BICD1: variants seen among roughly 807,000 people sequenced by gnomAD.
BICD1 encodes the protein BICD cargo adaptor 1.
BICD1 carries 35 observed loss-of-function variants against 92.5 expected under a neutral mutation model. That is an observed-to-expected ratio of 0.38 (90% CI 0.29 to 0.50). The LOEUF is 0.50. Ranked by LOEUF, BICD1 falls within the 20% of genes least tolerant of loss-of-function variation. The probability of loss-of-function intolerance (pLI) is 0.93; values close to 1 mark genes in which losing one functional copy is unlikely to be tolerated. For missense variants in BICD1, 950 were observed against 1,189.8 expected (o/e 0.80, Z 2.97); for synonymous variants, 429 against 465.1 (o/e 0.92, Z 1.00).
At chr12:32,146,630 T>C (rs549657510) in intron 1 of BICD1, among the ~76,000 whole-genome samples, 5 of 152,242 alleles carry the variant, frequency 3.3e-5, no homozygotes, top group African/African-American at 1.2e-4. Context: ...GAGGTACAGA[T>C]GGAGACCTAG....
chr12:32,345,411 C>T (rs1453041012), intron 8 of BICD1, among the ~76,000 whole-genome samples: 1 of 151,942 alleles, frequency 6.6e-6, no homozygotes, highest in Non-Finnish European at 1.5e-5. Context: ...AAAGGGTATA[C>T]AGTAGATGGT....
chr12:32,130,605 G>T (rs1942507490), intron 1 of BICD1, among the ~76,000 whole-genome samples: 1 of 152,154 alleles, frequency 6.6e-6, no homozygotes, highest in African/African-American at 2.4e-5. Context: ...GATCTAAAAT[G>T]CATACAGTGC....
At chr12:32,175,317 T>C (rs990117570) in intron 1 of BICD1, among the ~76,000 whole-genome samples, 2 of 150,532 alleles carry the variant, frequency 1.3e-5, no homozygotes, top group African/African-American at 5.0e-5. Context: ...CATACTAAGC[T>C]TTTTTTCTTT....
chr12:32,135,061 C>CCTCCCCTCCCCTTGCCCT (rs1942682674), intron 1 of BICD1, among the ~76,000 whole-genome samples: 1 of 125,188 alleles, frequency 8.0e-6, no homozygotes. Context: ...CCTCCATTCC[C>CCTCCCCTCCCCTTGCCCT]CTCCCCTCCC....
At chr12:32,276,116 C>G (rs1947269327) in intron 2 of BICD1, among the ~76,000 whole-genome samples, 2 of 152,152 alleles carry the variant, frequency 1.3e-5, no homozygotes, top group South Asian at 4.1e-4. Flanking sequence ...AACTGTAAAA[C>G]TACAAATGGT....
rs1040728607 is a variant in BICD1, at chr12:32,327,520, A to G, written c.1065A>G (p.Glu355=). 3 of 1,614,054 alleles carry G rather than the reference A, an allele frequency of 1.9e-6. No homozygotes were observed. The highest frequency in any genetic ancestry group is 1.7e-6 in the Non-Finnish European group (2 of 1,179,948). The part of the protein sequence containing the change: ...ANLQESQTQL[E]HTKGALTEQH... ...TACAGGAGTCACAGACACAGCTGGA[A>G]CACACCAAGGGGGCACTGACGGAGC... is the stretch of plus-strand genomic sequence containing the variant. Residue 355 remains glutamate (E), a synonymous_variant, in exon 5 of 10, where the codon GAA becomes GAG. Coordinates refer to ENST00000652176, the MANE Select transcript of BICD1 (RefSeq NM_001714.4).
intron 2 of BICD1, among the ~76,000 whole-genome samples, chr12:32,244,665 T>C (rs952112388): frequency 3.3e-5 from 5 of 151,114 alleles, no homozygotes; most frequent in Admixed American, 3.3e-4. Context: ...AGTCTCACTC[T>C]GTCGCCAGGC....
Position 32,305,781 on chromosome 12 carries a change from C to A in BICD1, c.664C>A (p.Arg222=). The A allele has an allele frequency of 6.2e-7, 1 of 1,614,058 alleles. No homozygotes were observed. Among genetic ancestry groups the A allele is most frequent in the African/African-American group, 1.3e-5 (1 of 75,032 alleles). ...LLNSQLEDAI[R]LKEIAEHQLE... is the part of the protein sequence containing the mutation. ...GAACAGCCAGCTGGAAGATGCCATCCGATTGAAAGAGATTGCTGAGCACCA... is the reference window on the plus strand; with the variant it reads ...GAACAGCCAGCTGGAAGATGCCATCAGATTGAAAGAGATTGCTGAGCACCA... The change falls in exon 4 of 10, where the codon CGA becomes AGA. Residue 222 remains arginine (R), a synonymous_variant. Transcript: ENST00000652176.
chr12:32,266,570 G>A (rs1447907861), intron 2 of BICD1, among the ~76,000 whole-genome samples: 1 of 152,170 alleles, frequency 6.6e-6, no homozygotes, highest in African/African-American at 2.4e-5. Flanking sequence ...TCAAATGGAA[G>A]ATAATGACAG....
At chr12:32,353,056 T>G (rs1381747653) in intron 8 of BICD1, 1 of 152,140 alleles carries the variant, frequency 6.6e-6, no homozygotes, top group African/African-American at 2.4e-5. Context: ...AAACATAAAT[T>G]TTTTTCTCTT....
chr12:32,215,992 G>A (rs911062171), intron 1 of BICD1, among the ~76,000 whole-genome samples: 3 of 144,178 alleles, frequency 2.1e-5, no homozygotes, highest in Non-Finnish European at 4.6e-5. Context: ...CATAAAGCAA[G>A]TAACAATGTT....
At chr12:32,290,631 A>G (rs191124930) in intron 2 of BICD1, among the ~76,000 whole-genome samples, 180 of 152,208 alleles carry the variant, frequency 1.2e-3, no homozygotes, top group African/African-American at 4.0e-3. Flanking sequence ...CCAACCCTAG[A>G]TATCTAATTA....
chr12:32,140,574 G>A (rs1363593089), intron 1 of BICD1, among the ~76,000 whole-genome samples: 1 of 152,054 alleles, frequency 6.6e-6, no homozygotes, highest in African/African-American at 2.4e-5. Flanking sequence ...CCCGCCTCCC[G>A]GGTTCAAGCA....
At position 32,216,448 on chromosome 12, in the gene BICD1, G is replaced by A. The variant is rs148155238; in HGVS notation, c.415G>A (p.Asp139Asn). Residue 139 changes from aspartate (D) to asparagine (N), a missense_variant, in exon 2 of 10, where the codon GAT becomes AAT. Physicochemically the swap from Asp to Asn is conservative, Grantham distance 23 (BLOSUM62 1). This residue lies in a region of BICD1 where 202 missense variants were observed against 205.3 expected (regional missense o/e 0.98). Coordinates refer to ENST00000652176, the MANE Select transcript of BICD1 (RefSeq NM_001714.4). ...ENERLTAVVQ[D>N]LKENNEMVEL... ...CGAGAGGCTCACCGCAGTCGTGCAG[G>A]ATCTGAAGGAGGTAAATAAACAAAT... The A allele has an allele frequency of 6.2e-7, 1 of 1,613,966 alleles. No individual in the cohort carries two copies. Among genetic ancestry groups the A allele is most frequent in the East Asian group, 2.2e-5 (1 of 44,890 alleles).
intron 1 of BICD1, among the ~76,000 whole-genome samples, chr12:32,121,888 A>T (rs1002371492): frequency 6.7e-6 from 1 of 149,432 alleles, no homozygotes; most frequent in Non-Finnish European, 1.5e-5. Context: ...ATCTCGGCTC[A>T]CTGCAGCTTT....
In BICD1 at chr12:32,216,204, T is replaced by G. The variant is rs761756048; in HGVS notation, c.214-43T>G. 1.6e-5 allele frequency: 25 copies of G among 1,581,956 alleles called. No individual in the cohort carries two copies. The South Asian group carries it at 2.6e-4, about 16-fold the overall frequency. ...CCCAAGTCTTAAAAGAGGGTTATGA[T>G]GCATTTCATTGTGTACTCTTTTTCT... On this transcript the variant is annotated intron_variant, in intron 1 of 9. Coordinates refer to ENST00000652176, the MANE Select transcript of BICD1 (RefSeq NM_001714.4).
At chr12:32,299,977 C>A (rs371096917) in intron 3 of BICD1, among the ~76,000 whole-genome samples, 4 of 152,152 alleles carry the variant, frequency 2.6e-5, no homozygotes, top group African/African-American at 9.7e-5. Context: ...ATCTCTCTTG[C>A]GACTACCCAG....
At chr12:32,215,199 A>T (rs1194939420) in intron 1 of BICD1, among the ~76,000 whole-genome samples, 1 of 152,194 alleles carries the variant, frequency 6.6e-6, no homozygotes, top group East Asian at 1.9e-4. Context: ...ACTGCATTCT[A>T]TCCTGGGTGG....
chr12:32,275,646 C>G (rs1244811704), intron 2 of BICD1, among the ~76,000 whole-genome samples: 1 of 152,028 alleles, frequency 6.6e-6, no homozygotes, highest in Non-Finnish European at 1.5e-5. Flanking sequence ...CGCTTGCCGT[C>G]CACCACTGCT....
Sources: gnomAD v4.1 joint callset for allele counts (sites outside exome capture counted in the v4.1 genomes callset) on GRCh38, gnomAD v4.1.1 for gene constraint, gnomAD v4.1.1 regional missense constraint, MANE v1.5 for transcripts, NCBI Gene and HGNC (gene_info 2026-07-23, HGNC 2026-07-21) for gene names.